Variants in RBFOX1 observed in about 807,000 individuals in gnomAD.
RBFOX1 encodes the protein RNA binding protein fox-1 homolog 1.
Under a neutral mutation model 57.7 loss-of-function variants are expected in RBFOX1, and 8 were observed. The ratio of observed to expected loss-of-function variants is 0.14; its 90% CI spans 0.08 to 0.25. The LOEUF is 0.25. RBFOX1 is among the 10% of genes least tolerant of loss of function. The pLI, the probability that RBFOX1 is intolerant of heterozygous loss-of-function variation, is 1.00. For synonymous variants in RBFOX1, 326 were observed against 222.4 expected, an observed-to-expected ratio of 1.47 and a Z score of -4.15; for missense variants, 611 against 548.5, an observed-to-expected ratio of 1.11 and a Z score of -1.14.
At chr16:6,704,169 C>G (rs529876498) in intron 3 of RBFOX1, 2 of 152,302 alleles carry the variant, frequency 1.3e-5, no homozygotes, top group African/African-American at 4.8e-5. Flanking sequence ...TATTATCATC[C>G]CCATGTTGTG....
At chr16:5,324,747 G>C (rs987692181) in intron 1 of RBFOX1, among the ~76,000 whole-genome samples, 2 of 152,306 alleles carry the variant, frequency 1.3e-5, no homozygotes, top group South Asian at 4.1e-4. Context: ...ATAAGTGGGA[G>C]CTAAATGATG....
intron 4 of RBFOX1, among the ~76,000 whole-genome samples, chr16:5,999,085 A>G (rs540952251): frequency 5.8e-4 from 88 of 152,206 alleles, no homozygotes; most frequent in Non-Finnish European, 1.1e-3. Context: ...AGAGTTGTTG[A>G]GTGAAGAAGG....
At chr16:7,049,889 A>T (rs1204529533) in intron 3 of RBFOX1, among the ~76,000 whole-genome samples, 1 of 152,180 alleles carries the variant, frequency 6.6e-6, no homozygotes, top group Admixed American at 6.5e-5. Context: ...CTTTTTTATC[A>T]TTTTAAAGTA....
chr16:6,292,997 T>C (rs559442309), intron 1 of RBFOX1, among the ~76,000 whole-genome samples: 2 of 152,216 alleles, frequency 1.3e-5, no homozygotes, highest in East Asian at 3.9e-4. Context: ...ACTTACAATT[T>C]CCTTCCTGTC....
intron 3 of RBFOX1, among the ~76,000 whole-genome samples, chr16:6,788,398 G>C (rs1006347164): frequency 6.6e-6 from 1 of 151,678 alleles, no homozygotes; most frequent in Non-Finnish European, 1.5e-5. Context: ...AATTATTATC[G>C]TCTCTCTGAA....
chr16:7,644,458 G>A (rs1158365398), intron 11 of RBFOX1, among the ~76,000 whole-genome samples: 1 of 152,140 alleles, frequency 6.6e-6, no homozygotes, highest in Non-Finnish European at 1.5e-5. Flanking sequence ...TTTAGACAAG[G>A]GAGGTCCAGG....
At position 7,480,746 on chromosome 16, in the gene RBFOX1, A is replaced by T. The variant is rs1286902413; in HGVS notation, c.28-37401A>T. ...CCTCCGAGGGCACAGGCTTGACTGC[A>T]AGGGGATGTGGGAAGCCATTTGTGA... On this transcript the variant is annotated intron_variant, in intron 4 of 15. Coordinates refer to ENST00000550418, the MANE Select transcript of RBFOX1 (RefSeq NM_018723.4). Among the ~76,000 whole-genome samples, 97 of 152,256 alleles carry T rather than the reference A, an allele frequency of 6.4e-4. 3 individuals carry two copies. The highest frequency in any genetic ancestry group is 1.8e-4 in the Non-Finnish European group (12 of 68,008).
chr16:6,501,134 T>G (rs1395555050), intron 2 of RBFOX1, among the ~76,000 whole-genome samples: 1 of 147,370 alleles, frequency 6.8e-6, no homozygotes, highest in South Asian at 2.1e-4. Flanking sequence ...AAACATTCTT[T>G]TTTTTTTTTT....
chr16:6,535,887 C>T (rs1273533127), intron 2 of RBFOX1, among the ~76,000 whole-genome samples: 1 of 152,052 alleles, frequency 6.6e-6, no homozygotes, highest in Non-Finnish European at 1.5e-5. Flanking sequence ...GTTTATTTTT[C>T]AGTTTCTTCC....
chr16:6,919,679 C>A (rs79896689), intron 3 of RBFOX1, among the ~76,000 whole-genome samples: 24 of 151,242 alleles, frequency 1.6e-4, no homozygotes, highest in South Asian at 6.3e-4. Flanking sequence ...AATCCAGATC[C>A]ATAAGACATT....
chr16:6,006,570 G>A (rs1194936965), intron 4 of RBFOX1, among the ~76,000 whole-genome samples: 2 of 152,190 alleles, frequency 1.3e-5, no homozygotes, highest in East Asian at 3.9e-4. Flanking sequence ...TTTGGCTCCA[G>A]CATTGCCTAA....
intron 1 of RBFOX1, among the ~76,000 whole-genome samples, chr16:6,217,970 C>T (rs563310865): frequency 1.3e-5 from 2 of 152,082 alleles, no homozygotes; most frequent in Admixed American, 1.3e-4. Context: ...GAGCTGGGAT[C>T]CTGCCACTGC....
rs139120921 is a variant in RBFOX1 at position 7,271,291 on chromosome 16, A to T, written c.27+219193A>T. On this transcript the variant is annotated intron_variant, in intron 4 of 15. Coordinates refer to ENST00000550418, the MANE Select transcript of RBFOX1 (RefSeq NM_018723.4). ...TTTGTATGTGAGAACATTCACAGGC[A>T]TCTTCCTAGCTGCAAAAAGACGGGC... is the stretch of plus-strand genomic sequence containing the variant. 7.1e-3 allele frequency among the ~76,000 whole-genome samples: 1,076 copies of T among 151,198 alleles called. 9 individuals are homozygous for T. The highest frequency in any genetic ancestry group is 0.021 in the South Asian group (101 of 4,796).
At chr16:5,463,399 A>G (rs1465616072) in intron 1 of RBFOX1, among the ~76,000 whole-genome samples, 1 of 152,150 alleles carries the variant, frequency 6.6e-6, no homozygotes, top group Admixed American at 6.6e-5. Flanking sequence ...GTTACCATTG[A>G]GCTTAGCAAT....
chr16:7,466,015 T>C (rs1252704435), intron 4 of RBFOX1, among the ~76,000 whole-genome samples: 1 of 152,188 alleles, frequency 6.6e-6, no homozygotes, highest in Non-Finnish European at 1.5e-5. Flanking sequence ...AAGTAGAAAG[T>C]GCATCATCTG....
intron 1 of RBFOX1, among the ~76,000 whole-genome samples, chr16:6,304,868 C>G (rs1240682180): frequency 1.6e-5 from 1 of 61,448 alleles, no homozygotes; most frequent in Non-Finnish European, 3.1e-5. Flanking sequence ...CACAGTGAGA[C>G]CCTGTCTCAA....
At chr16:5,578,873 A>C (rs1189603755) in intron 2 of RBFOX1, among the ~76,000 whole-genome samples, 2 of 114,766 alleles carry the variant, frequency 1.7e-5, no homozygotes, top group African/African-American at 6.8e-5. Flanking sequence ...TTTTTGAGAG[A>C]GTCTCACTCT....
rs540715929 is a variant in RBFOX1, at chr16:5,646,239, A to G, written c.318+47278A>G. Among the ~76,000 whole-genome samples the G allele has an allele frequency of 2.1e-5, 3 of 143,020 alleles. No individual in the cohort carries two copies. In the South Asian group the frequency reaches 6.8e-4, roughly 32 times the overall value. 93.8% of individuals were successfully genotyped at this position (143,020 alleles called of 152,430 possible). A position where few individuals can be genotyped will look rare whatever the true frequency, so the allele number is the denominator to read the frequency against. On this transcript the variant is annotated intron_variant, in intron 3 of 19. Coordinates refer to the RBFOX1 transcript ENST00000641259. Reference sequence around the variant, plus strand: ...ACAGGGTTTCACCGTGTTAGCCAGGATGGTCTCAATCTCTTGACCTTGTGA... The same window carrying G: ...ACAGGGTTTCACCGTGTTAGCCAGGGTGGTCTCAATCTCTTGACCTTGTGA...
At chr16:6,328,396 C>G (rs1305264911) in intron 2 of RBFOX1, among the ~76,000 whole-genome samples, 1 of 152,110 alleles carries the variant, frequency 6.6e-6, no homozygotes, top group Non-Finnish European at 1.5e-5. Context: ...ATTCATATAA[C>G]AAAATGCCAC....
Sources: allele counts gnomAD v4.1 joint callset (sites outside exome capture counted in the v4.1 genomes callset), GRCh38; gene constraint gnomAD v4.1.1; transcripts MANE v1.5; gene names NCBI Gene and HGNC (gene_info 2026-07-23, HGNC 2026-07-21).